TRERF1: variants seen among roughly 807,000 people sequenced by gnomAD.
TRERF1 encodes transcriptional-regulating factor 1.
TRERF1 carries 27 observed loss-of-function variants against 122.9 expected under a neutral mutation model. The ratio of observed to expected loss-of-function variants is 0.22; its 90% confidence interval spans 0.16 to 0.30. The LOEUF (loss-of-function observed/expected upper bound fraction) is 0.30, where lower values mean the gene tolerates loss of function less well. Among genes scored for constraint, TRERF1 ranks in the 10% least tolerant of loss-of-function variants. The probability of loss-of-function intolerance (pLI) is 1.00; values close to 1 mark genes in which losing one functional copy is unlikely to be tolerated. For missense variants in TRERF1, 1,248 were observed against 1,560.3 expected (o/e 0.80, Z 3.37); for synonymous variants, 636 against 641.7 (o/e 0.99, Z 0.13).
chr6:42,451,236 G>C (rs941309893), exon 2 of TRERF1: 1 of 153,986 alleles, frequency 6.5e-6, no homozygotes, highest in African/African-American at 2.4e-5. Flanking sequence ...TATCCGCTTG[G>C]GGGGTGAGAT....
chr6:42,385,653 T>C (rs968415382), intron 2 of TRERF1, among the ~76,000 whole-genome samples: 2 of 152,206 alleles, frequency 1.3e-5, no homozygotes, highest in African/African-American at 2.4e-5. Flanking sequence ...GCTCTGCCTG[T>C]GGCAGTGTTT....
rs55924002 is a variant in TRERF1, at chr6:42,360,771, T to TAAA, written c.-371+2223_-371+2225dup. ...CCCAGGGAGGAAGGAGTGGAGAGATTAAAAAAAAAAAAAAAAAAAAAAAAA... is the reference window on the plus strand; with the variant it reads ...CCCAGGGAGGAAGGAGTGGAGAGATTAAAAAAAAAAAAAAAAAAAAAAAAAAAA... On this transcript the variant is annotated intron_variant, in intron 3 of 17. Coordinates refer to ENST00000372922, the Ensembl canonical transcript of TRERF1. Among the ~76,000 whole-genome samples, 155 of 36,436 alleles carry TAAA rather than the reference T, an allele frequency of 4.3e-3. 2 individuals carry two copies. The highest frequency in any genetic ancestry group is 0.015 in the East Asian group (13 of 884). The allele number at this position is 36,436 out of a possible 152,430, so 23.9% of individuals were successfully genotyped here.
chr6:42,260,094 C>T (rs993768999), intron 8 of TRERF1, among the ~76,000 whole-genome samples: 1 of 152,010 alleles, frequency 6.6e-6, no homozygotes, highest in African/African-American at 2.4e-5. Flanking sequence ...CAGGGACGGA[C>T]ATCAGGAACA....
chr6:42,388,958 A>G (rs1777251094), intron 2 of TRERF1, among the ~76,000 whole-genome samples: 2 of 152,340 alleles, frequency 1.3e-5, no homozygotes, highest in African/African-American at 4.8e-5. Flanking sequence ...GTGTGCCTAC[A>G]GGGTCTTGCA....
chr6:42,243,052 C>T (rs528288422), intron 15 of TRERF1, among the ~76,000 whole-genome samples, 196 bp downstream of exon 15: 2 of 152,304 alleles, frequency 1.3e-5, no homozygotes, highest in East Asian at 3.9e-4. Context: ...GAGCTACAGG[C>T]CAAACCTATG....
At chr6:42,319,523 T>C (rs1763034976) in intron 3 of TRERF1, among the ~76,000 whole-genome samples, 1 of 152,196 alleles carries the variant, frequency 6.6e-6, no homozygotes, top group South Asian at 2.1e-4. Flanking sequence ...TTTAATTTGA[T>C]TGTTAAAAAA....
exon 11 of TRERF1, chr6:42,257,102 T>C (rs1395714567): frequency 1.2e-6 from 2 of 1,613,844 alleles, no homozygotes; most frequent in African/African-American, 1.3e-5. Context: ...TGTTGATGCG[T>C]CTTTAAATGA....
At chr6:42,343,873 A>C (rs1462360750) in intron 3 of TRERF1, among the ~76,000 whole-genome samples, 1 of 152,200 alleles carries the variant, frequency 6.6e-6, no homozygotes, top group South Asian at 2.1e-4. Context: ...CTACAGTGCT[A>C]AGAGGGTAGG....
chr6:42,405,991 T>C (rs1486859581), intron 2 of TRERF1, among the ~76,000 whole-genome samples: 2 of 152,046 alleles, frequency 1.3e-5, no homozygotes, highest in Admixed American at 1.3e-4. Context: ...GAATCCTTTG[T>C]GATCACAAAA....
At chr6:42,272,039 AT>A (rs1780307289) in intron 4 of TRERF1, among the ~76,000 whole-genome samples, 1 of 152,242 alleles carries the variant, frequency 6.6e-6, no homozygotes, top group Non-Finnish European at 1.5e-5. Context: ...CACTGGATAA[AT>A]TTAAAACAGT....
intron 4 of TRERF1, among the ~76,000 whole-genome samples, chr6:42,298,303 G>A (rs890777890): frequency 2.0e-5 from 3 of 151,616 alleles, no homozygotes; most frequent in Non-Finnish European, 4.4e-5. Context: ...TTATAGGTGC[G>A]CGCCACCACA....
At chr6:42,225,502 T>A (rs1481391595) in exon 18 of TRERF1, 2 of 151,920 alleles carry the variant, frequency 1.3e-5, no homozygotes, top group East Asian at 3.9e-4. Context: ...ATTATGAATA[T>A]GCTATACATA....
chr6:42,311,568 T>A (rs1261744556), intron 3 of TRERF1, among the ~76,000 whole-genome samples: 1 of 151,668 alleles, frequency 6.6e-6, no homozygotes, highest in African/African-American at 2.4e-5. Flanking sequence ...ATCGAGACCA[T>A]CCTGGCTAAC....
exon 16 of TRERF1, chr6:42,236,285 C>T: frequency 6.2e-7 from 1 of 1,612,104 alleles, no homozygotes; most frequent in South Asian, 1.1e-5. Flanking sequence ...TCCGTGGGAG[C>T]CAGGACGGGG....
chr6:42,243,474 C>A (rs975194556), intron 14 of TRERF1, 113 bp from the exon 15 acceptor site: 5 of 715,338 alleles, frequency 7.0e-6, no homozygotes, highest in South Asian at 5.6e-5. Context: ...TTGTACAGTT[C>A]AAGAAAAAAA....
chr6:42,392,596 C>T (rs1777928319), intron 2 of TRERF1, among the ~76,000 whole-genome samples: 2 of 152,100 alleles, frequency 1.3e-5, no homozygotes, highest in East Asian at 3.9e-4. Context: ...GAGCCATGGG[C>T]CTGCATAGAT....
chr6:42,402,918 G>A lies in TRERF1; in HGVS notation c.-453-39839C>T, dbSNP rs1779615406. ...GGGTCGCACATTAATTAAGTGGGGA[G>A]CCTGGACTCACACCCGCTTCTGTGG... On this transcript the variant is annotated intron_variant, in intron 2 of 17. Coordinates refer to ENST00000372922, the Ensembl canonical transcript of TRERF1. Among the ~76,000 whole-genome samples the A allele has an allele frequency of 2.0e-5, 3 of 152,234 alleles. No homozygotes were observed. In the South Asian group the frequency reaches 6.2e-4, roughly 32 times the overall value.
chr6:42,233,604 A>G (rs1337371622), intron 16 of TRERF1, among the ~76,000 whole-genome samples: 3 of 152,002 alleles, frequency 2.0e-5, no homozygotes, highest in Non-Finnish European at 4.4e-5. Context: ...TTTAAAGATG[A>G]TAACTACCTC....
intron 3 of TRERF1, among the ~76,000 whole-genome samples, chr6:42,345,998 G>T (rs1412568324): frequency 6.6e-6 from 1 of 152,266 alleles, no homozygotes; most frequent in African/African-American, 2.4e-5. Context: ...GATAAAGTCA[G>T]CCTTCAGAGA....
Sources: allele counts gnomAD v4.1 joint callset (sites outside exome capture counted in the v4.1 genomes callset), GRCh38; gene constraint gnomAD v4.1.1; transcripts MANE v1.5; gene names NCBI Gene and HGNC (gene_info 2026-07-23, HGNC 2026-07-21).